Variants in TBL1X observed in about 807,000 individuals in gnomAD.
TBL1X encodes transducin beta like 1 X-linked.
A neutral mutation model predicts 50.7 loss-of-function variants in TBL1X; 10 were observed. The ratio of observed to expected loss-of-function variants is 0.20; its 90% CI spans 0.12 to 0.33. TBL1X has a LOEUF of 0.33. TBL1X is among the 10% of genes least tolerant of loss of function. The pLI is 1.00. For missense variants in TBL1X, 340 were observed against 504.4 expected (o/e 0.67, Z 3.12); for synonymous variants, 190 against 214.7 (o/e 0.88, Z 1.01).
At chrX:9,624,745 A>G (rs16985620) in intron 2 of TBL1X, among the ~76,000 whole-genome samples, 2 of 111,978 alleles carry the variant, frequency 1.8e-5, no homozygotes, top group Non-Finnish European at 3.8e-5. Context: ...GATTTGGGAA[A>G]TGTGACATGA....
chrX:9,560,941 T>C (rs1212024111), intron 2 of TBL1X, among the ~76,000 whole-genome samples: 1 of 111,670 alleles, frequency 9.0e-6, no homozygotes, highest in Non-Finnish European at 1.9e-5. Context: ...AAGTGGCTGA[T>C]GTAGGATGTT....
intron 5 of TBL1X, among the ~76,000 whole-genome samples, chrX:9,680,103 G>T (rs1272240483): frequency 9.0e-6 from 1 of 111,266 alleles, no homozygotes; most frequent in African/African-American, 3.3e-5. Flanking sequence ...GCTTGCTTGA[G>T]CCTCTTTTAT....
Position 9,631,623 on chromosome X carries a change from A to G in TBL1X, c.-130-8650A>G, listed in dbSNP as rs770146411. 3.6e-5 allele frequency among the ~76,000 whole-genome samples: 4 copies of G among 112,475 alleles called. No individual in the cohort carries two copies. The Admixed American group carries it at 3.7e-4, about 11-fold the overall frequency. ...AGCCTTACAACAACAATGTGCTTTC[A>G]TTCTCCTTCCATTCTTAGTGCTTTG... On this transcript the variant is annotated intron_variant, in intron 2 of 17. Coordinates refer to ENST00000645353, the MANE Select transcript of TBL1X (RefSeq NM_005647.4).
At chrX:9,689,892 T>A (rs1353657277) in intron 7 of TBL1X, among the ~76,000 whole-genome samples, 6 of 112,558 alleles carry the variant, frequency 5.3e-5, no homozygotes, top group Non-Finnish European at 1.1e-4. Context: ...GTTGTTTGAA[T>A]CTTTTGTATC....
At chrX:9,685,511 C>T (rs914957516) in intron 6 of TBL1X, among the ~76,000 whole-genome samples, 3 of 110,267 alleles carry the variant, frequency 2.7e-5, no homozygotes, top group African/African-American at 9.9e-5. Context: ...GACCCAGGCG[C>T]GTGATTCTAC....
chrX:9,674,676 CTCAG>C (rs2082981154), intron 5 of TBL1X, among the ~76,000 whole-genome samples: 1 of 25,753 alleles, frequency 3.9e-5, no homozygotes, highest in Admixed American at 4.2e-4. Flanking sequence ...ATCCTCCCGC[CTCAG>C]CCCCCCCCCC....
At chrX:9,592,906 C>T (rs1477456433) in intron 2 of TBL1X, among the ~76,000 whole-genome samples, 1 of 111,945 alleles carries the variant, frequency 8.9e-6, no homozygotes, top group Admixed American at 9.5e-5. Context: ...AGAAAGGCCA[C>T]AGTGCCCATG....
At chrX:9,710,871 G>A (rs934521751) in intron 15 of TBL1X, among the ~76,000 whole-genome samples, 1 of 112,096 alleles carries the variant, frequency 8.9e-6, no homozygotes, top group African/African-American at 3.2e-5. Flanking sequence ...ATGATCTACT[G>A]TACCTGGCCT....
At chrX:9,567,206 T>G in intron 2 of TBL1X, among the ~76,000 whole-genome samples, 1 of 111,484 alleles carries the variant, frequency 9.0e-6, no homozygotes, top group East Asian at 2.8e-4. Context: ...AAGTGTAGTT[T>G]CCATGATCTT....
chrX:9,491,306 TTATATATATA>T (rs757466880), intron 1 of TBL1X, among the ~76,000 whole-genome samples: 42 of 51,890 alleles, frequency 8.1e-4, no homozygotes, highest in African/African-American at 3.0e-3. Flanking sequence ...GCCAGTATAT[TTATATATATA>T]TATATATATA....
chrX:9,603,780 C>T (rs957387417), intron 2 of TBL1X, among the ~76,000 whole-genome samples: 1 of 111,237 alleles, frequency 9.0e-6, no homozygotes, highest in Non-Finnish European at 1.9e-5. Flanking sequence ...TCAAGGGGTC[C>T]GCAGGGCCCA....
intron 2 of TBL1X, among the ~76,000 whole-genome samples, chrX:9,613,909 C>T (rs1195385515): frequency 2.9e-5 from 3 of 102,898 alleles, no homozygotes; most frequent in Non-Finnish European, 5.9e-5. Context: ...TAGCTTGAAA[C>T]CGGGAGGCGG....
At chrX:9,716,101 C>G in intron 17 of TBL1X, 119 bp from the exon 18 acceptor site, 1 of 756,014 alleles carries the variant, frequency 1.3e-6, no homozygotes, top group Non-Finnish European at 2.0e-6. Flanking sequence ...ATAAACTTTA[C>G]TGACAAACAT....
intron 2 of TBL1X, among the ~76,000 whole-genome samples, chrX:9,609,336 G>GGGGTGT (rs1555900202): frequency 0.036 from 3,416 of 94,645 alleles, 74 homozygotes; most frequent in East Asian, 0.14. Flanking sequence ...TTTTCTTCCA[G>GGGGTGT]GTGTGTGTGT....
At chrX:9,675,556 A>G (rs894550905) in intron 5 of TBL1X, among the ~76,000 whole-genome samples, 1 of 111,683 alleles carries the variant, frequency 9.0e-6, no homozygotes, top group Admixed American at 9.5e-5. Context: ...ACAGGGATAC[A>G]ATATTCTGTG....
At chrX:9,501,876 T>C (rs908599641) in intron 2 of TBL1X, 27 bp downstream of exon 2, 2 of 111,074 alleles carry the variant, frequency 1.8e-5, no homozygotes, top group Non-Finnish European at 3.8e-5. Context: ...TTCCCTCTTC[T>C]TGCCTCGTTG....
intron 11 of TBL1X, 59 bp downstream of exon 11, chrX:9,693,478 T>G (rs1343708175): frequency 9.5e-7 from 1 of 1,047,123 alleles, no homozygotes; most frequent in Non-Finnish European, 1.3e-6. Context: ...ATTTTTAATC[T>G]CAAAATAACA....
chrX:9,592,197 C>G (rs1178399149), intron 2 of TBL1X, among the ~76,000 whole-genome samples: 1 of 111,762 alleles, frequency 8.9e-6, no homozygotes, highest in Non-Finnish European at 1.9e-5. Flanking sequence ...TCCTCATCTT[C>G]CCTTCATTTA....
At chrX:9,534,008 A>G (rs2082175279) in intron 2 of TBL1X, among the ~76,000 whole-genome samples, 1 of 111,484 alleles carries the variant, frequency 9.0e-6, no homozygotes, top group Non-Finnish European at 1.9e-5. Flanking sequence ...CCGAGGGAGG[A>G]ACCCAGAACC....
Sources: allele counts gnomAD v4.1 joint callset (sites outside exome capture counted in the v4.1 genomes callset), GRCh38; gene constraint gnomAD v4.1.1; transcripts MANE v1.5; gene names NCBI Gene and HGNC (gene_info 2026-07-23, HGNC 2026-07-21).